ATP2B4: variants seen among roughly 807,000 people sequenced by gnomAD.
ATP2B4 encodes plasma membrane calcium-transporting ATPase 4.
A neutral mutation model predicts 110.3 loss-of-function variants in ATP2B4; 39 were observed. That is an observed-to-expected ratio of 0.35 (90% CI 0.27 to 0.46). The LOEUF is 0.46. Among genes scored for constraint, ATP2B4 ranks in the 20% least tolerant of loss-of-function variants. ATP2B4 has a pLI of 1.00. For synonymous variants in ATP2B4, 538 were observed against 571.7 expected, an observed-to-expected ratio of 0.94 and a Z score of 0.84; for missense variants, 1,135 against 1,530.9, an observed-to-expected ratio of 0.74 and a Z score of 4.32.
At chr1:203,732,001 A>G (rs1037252518) in intron 20 of ATP2B4, among the ~76,000 whole-genome samples, 5 of 151,504 alleles carry the variant, frequency 3.3e-5, no homozygotes, top group Admixed American at 6.6e-5. Flanking sequence ...ACACAGTGAA[A>G]CCCTGTCACT....
intron 10 of ATP2B4, among the ~76,000 whole-genome samples, chr1:203,708,920 G>A (rs1238449865): frequency 6.6e-6 from 1 of 152,152 alleles, no homozygotes; most frequent in East Asian, 1.9e-4. Context: ...ATTTTGGGAG[G>A]TTGAGGTGGG....
chr1:203,692,780 C>G (rs1464511667), intron 2 of ATP2B4, among the ~76,000 whole-genome samples: 1 of 152,192 alleles, frequency 6.6e-6, no homozygotes, highest in Non-Finnish European at 1.5e-5. Flanking sequence ...TGCATTTCTC[C>G]TCCCAGGCCC....
At chr1:203,650,183 G>C (rs1663935629) in intron 1 of ATP2B4, among the ~76,000 whole-genome samples, 1 of 152,216 alleles carries the variant, frequency 6.6e-6, no homozygotes, top group Admixed American at 6.5e-5. Context: ...AAAGCTTGGA[G>C]CGAGGCCCTG....
chr1:203,704,467 C>CTTTTTTTTTTTTTT (rs35019828), intron 8 of ATP2B4, among the ~76,000 whole-genome samples: 1 of 68,794 alleles, frequency 1.5e-5, no homozygotes, highest in East Asian at 5.4e-4. Context: ...AAGGAACAGT[C>CTTTTTTTTTTTTTT]TTTTTTTTTT....
At chr1:203,711,185 G>A in intron 12 of ATP2B4, 77 bp downstream of exon 12, 1 of 1,366,460 alleles carries the variant, frequency 7.3e-7, no homozygotes, top group Non-Finnish European at 1.0e-6. Flanking sequence ...CCCCAGGCAG[G>A]TAACCTAACT....
At chr1:203,628,883 G>T (rs1663172392) in intron 1 of ATP2B4, among the ~76,000 whole-genome samples, 2 of 152,126 alleles carry the variant, frequency 1.3e-5, no homozygotes, top group South Asian at 4.1e-4. Flanking sequence ...GGTGGCTTGG[G>T]GAGCAGACTC....
At chr1:203,735,562 C>T (rs1020507107) in intron 20 of ATP2B4, among the ~76,000 whole-genome samples, 4 of 152,074 alleles carry the variant, frequency 2.6e-5, no homozygotes, top group Non-Finnish European at 4.4e-5. Context: ...CACATGATCA[C>T]GGACTGTGTG....
chr1:203,740,095 A>C lies in ATP2B4; in HGVS notation c.*241A>C. 2 of 502,128 alleles carry C rather than the reference A, an allele frequency of 4.0e-6. No homozygotes were observed. The highest frequency in any genetic ancestry group is 7.0e-6 in the Non-Finnish European group (2 of 284,668). The allele number at this position is 502,128 out of a possible 1,614,324, so 31.1% of individuals were successfully genotyped here. ...CAAACCCCATTCAGGTCATGGTAGA[A>C]TCTACTCCTTGGTAGTCACTTGTCA... On this transcript the variant is annotated 3_prime_UTR_variant, in exon 21 of 21. Transcript: ENST00000357681.
intron 2 of ATP2B4, among the ~76,000 whole-genome samples, chr1:203,694,618 G>A (rs1405590114): frequency 2.0e-5 from 3 of 152,158 alleles, no homozygotes; most frequent in African/African-American, 7.2e-5. Flanking sequence ...CTGGGGGGCT[G>A]GGGGAGTCAT....
rs1665670545 is a variant in ATP2B4 at position 203,700,877 on chromosome 1, T to G, written c.855T>G (p.Thr285=). 1.2e-6 allele frequency: 2 copies of G among 1,613,624 alleles called. No individual in the cohort carries two copies. The highest frequency in any genetic ancestry group is 2.7e-5 in the African/African-American group (2 of 74,928). The part of the protein sequence containing the change: ...GVNSQTGIIL[T]LLGVNEDDEG... The stretch of plus-strand genomic sequence containing the variant: ...ACTCTCAGACTGGAATCATCCTTAC[T>G]CTCTTGGGGGTCAATGAGGATGACG... The change falls in exon 6 of 21, where the codon ACT becomes ACG. Residue 285 remains threonine, a synonymous_variant. Transcript: ENST00000357681.
At chr1:203,667,416 G>A (rs1227019048) in intron 1 of ATP2B4, among the ~76,000 whole-genome samples, 1 of 152,238 alleles carries the variant, frequency 6.6e-6, no homozygotes, top group Admixed American at 6.5e-5. Context: ...CTGGCAGTCT[G>A]GAGTAAGGTT....
At chr1:203,634,445 C>G (rs1212583651) in intron 1 of ATP2B4, among the ~76,000 whole-genome samples, 1 of 152,022 alleles carries the variant, frequency 6.6e-6, no homozygotes, top group Admixed American at 6.6e-5. Context: ...GATCCTCTTG[C>G]CTCAGCCTCC....
At position 203,698,224 on chromosome 1, in the gene ATP2B4, C is replaced by A. The variant is rs200395561; in HGVS notation, c.261C>A (p.Pro87=). Residue 87 remains proline, a synonymous_variant, in exon 3 of 21, where the codon CCC becomes CCA. Coordinates refer to ENST00000357681, the MANE Select transcript of ATP2B4 (RefSeq NM_001684.5). ...TGTTTGGACACAACGTGATCCCCCC[C>A]AAAAAGCCCAAGACTTTCTTAGAAT... is the stretch of plus-strand genomic sequence containing the variant. The part of the protein sequence containing the change: ...RQVFGHNVIP[P]KKPKTFLELV... 1.2e-5 allele frequency: 20 copies of A among 1,614,066 alleles called. No homozygotes were observed. The Admixed American group carries it at 1.5e-4, about 12-fold the overall frequency.
At chr1:203,710,145 A>AAC (rs1360293633) in intron 11 of ATP2B4, among the ~76,000 whole-genome samples, 1 of 152,124 alleles carries the variant, frequency 6.6e-6, no homozygotes, top group Non-Finnish European at 1.5e-5. Flanking sequence ...AGGCAGGCAG[A>AAC]ACACGAGGTC....
intron 4 of ATP2B4, 81 bp downstream of exon 4, chr1:203,699,798 A>G (rs928869067): frequency 4.5e-6 from 7 of 1,557,726 alleles, no homozygotes; most frequent in Non-Finnish European, 6.1e-6. Context: ...GGGGGCTGGG[A>G]ATTGCTGAAA....
chr1:203,650,336 G>A (rs1432836433), intron 1 of ATP2B4, among the ~76,000 whole-genome samples: 1 of 152,152 alleles, frequency 6.6e-6, no homozygotes, highest in Non-Finnish European at 1.5e-5. Flanking sequence ...TTCCCCAGGT[G>A]TGTTCCCCGG....
In ATP2B4 at chr1:203,721,276, A is replaced by G. The variant is rs1366364229; in HGVS notation, c.2678A>G (p.Glu893Gly). Reference protein sequence around the residue: ...DTFASLALATEPPTESLLKRR... With the variant: ...DTFASLALATGPPTESLLKRR... ...TTTGCTTCATTGGCCCTGGCCACAG[A>G]GCCCCCTACGGAATCTCTGTTGAAG... Residue 893 changes from glutamate (E) to glycine (G), a missense_variant, in exon 17 of 21, where the codon GAG (glutamate) becomes GGG (glycine). Transcript: ENST00000357681. The G allele has an allele frequency of 1.9e-6, 3 of 1,614,122 alleles. No individual in the cohort carries two copies.
intron 2 of ATP2B4, among the ~76,000 whole-genome samples, chr1:203,695,720 A>G (rs1340864740): frequency 1.3e-5 from 1 of 78,970 alleles, no homozygotes; most frequent in African/African-American, 5.1e-5. Context: ...TTCATCTCCC[A>G]CCCCCCACAT....
intron 20 of ATP2B4, chr1:203,733,455 C>T (rs894274583): frequency 4.1e-6 from 6 of 1,464,502 alleles, no homozygotes; most frequent in African/African-American, 1.4e-5. Context: ...CAAGAGAGCA[C>T]GTGGCATCCA....
Sources: gnomAD v4.1 joint callset for allele counts (sites outside exome capture counted in the v4.1 genomes callset) on GRCh38, gnomAD v4.1.1 for gene constraint, MANE v1.5 for transcripts, NCBI Gene and HGNC (gene_info 2026-07-23, HGNC 2026-07-21) for gene names.